MLANA: variants seen among roughly 807,000 people sequenced by gnomAD.
MLANA encodes the protein melan-A, also known as melanoma antigen recognized by T-cells 1.
MLANA carries 21 observed loss-of-function variants against 15.7 expected under a neutral mutation model. That is an observed-to-expected ratio of 1.33 (90% CI 0.95 to 1.92). MLANA has a LOEUF of 1.92. MLANA is among the 40% of genes most tolerant of loss of function. The pLI is 0.00. For missense variants in MLANA, 164 were observed against 143.8 expected (o/e 1.14, Z -0.72); for synonymous variants, 56 against 51.5 (o/e 1.09, Z -0.37).
intron 2 of MLANA, among the ~76,000 whole-genome samples, chr9:5,895,859 G>A (rs1341605177): frequency 1.3e-5 from 2 of 152,202 alleles, no homozygotes; most frequent in Non-Finnish European, 2.9e-5. Context: ...TCAGTTACTT[G>A]GGCATGTTGT....
intron 3 of MLANA, among the ~76,000 whole-genome samples, chr9:5,906,358 GAAAAA>G (rs1286393758): frequency 6.8e-6 from 1 of 148,112 alleles, no homozygotes; most frequent in Non-Finnish European, 1.5e-5. Context: ...GAAAAGAAAA[GAAAAA>G]AAAAGTTTTT....
intron 2 of MLANA, among the ~76,000 whole-genome samples, chr9:5,896,392 T>C (rs1037196427): frequency 2.6e-5 from 4 of 152,214 alleles, no homozygotes; most frequent in African/African-American, 7.2e-5. Context: ...CTGACCTACA[T>C]AAGTCAGAGT....
At chr9:5,897,463 A>G in intron 2 of MLANA, 94 bp from the exon 3 acceptor site, 1 of 1,199,992 alleles carries the variant, frequency 8.3e-7, no homozygotes, top group Non-Finnish European at 1.2e-6. Flanking sequence ...CTGGGTCGTC[A>G]AAGTCCATAT....
At chr9:5,898,169 G>A (rs1160489102) in intron 3 of MLANA, 1 of 153,176 alleles carries the variant, frequency 6.5e-6, no homozygotes, top group Non-Finnish European at 1.5e-5. Flanking sequence ...TCAGCCTCCA[G>A]AGTAGCTGGG....
At chr9:5,899,622 C>A (rs1220010446) in intron 3 of MLANA, among the ~76,000 whole-genome samples, 1 of 152,216 alleles carries the variant, frequency 6.6e-6, no homozygotes, top group Non-Finnish European at 1.5e-5. Context: ...CTGTCCACAA[C>A]AGGTTAGTAG....
intron 1 of MLANA, 66 bp from the exon 2 acceptor site, chr9:5,892,384 C>T (rs1831711203): frequency 8.4e-7 from 1 of 1,196,608 alleles, no homozygotes; most frequent in Non-Finnish European, 1.2e-6. Flanking sequence ...TGTTGTGGGT[C>T]TTTATGAGAT....
At chr9:5,908,106 T>C (rs1349794444) in intron 4 of MLANA, among the ~76,000 whole-genome samples, 1 of 152,208 alleles carries the variant, frequency 6.6e-6, no homozygotes, top group East Asian at 1.9e-4. Flanking sequence ...AACTTACTAG[T>C]TGTGTGACCA....
At chr9:5,906,804 A>G (rs756087007) in intron 3 of MLANA, 81 bp from the exon 4 acceptor site, 110 of 852,246 alleles carry the variant, frequency 1.3e-4, no homozygotes, top group Non-Finnish European at 5.9e-5. Context: ...CTCATTCTTA[A>G]AACTTTGGCT....
chr9:5,894,383 TC>T lies in MLANA; in HGVS notation c.77+1833del, dbSNP rs1250692030. 2.0e-5 allele frequency among the ~76,000 whole-genome samples: 3 copies of T among 152,038 alleles called. No individual in the cohort carries two copies. The highest frequency in any genetic ancestry group is 7.2e-5 in the African/African-American group (3 of 41,390). ...TGAGACTGAGGAGGCAAAGAAGGCATCGGGGCAACCAAGGCTGTACCCACAG... is the reference window on the plus strand; with the variant it reads ...TGAGACTGAGGAGGCAAAGAAGGCATGGGGCAACCAAGGCTGTACCCACAG... On this transcript the variant is annotated intron_variant, in intron 2 of 4. Coordinates refer to ENST00000381477, the MANE Select transcript of MLANA (RefSeq NM_005511.2). This position sits in a 1 kb window ranked among gnomAD's most constrained non-coding sequence, Gnocchi z 4.0.
chr9:5,899,080 CT>C (rs1832238429), intron 3 of MLANA: 1 of 152,174 alleles, frequency 6.6e-6, no homozygotes. Context: ...CCAGGTAGCA[CT>C]TCAGCACTTC....
Position 5,908,643 on chromosome 9 carries a change from C to T in MLANA, c.292C>T (p.Pro98Ser). ...TCTCCCTTTCTTGTTCTCACAGGTT[C>T]CCAATGCTCCACCTGCTTATGAGAA... ...LQEKNCEPVV[P>S]NAPPAYEKLS... Residue 98 changes from proline (P) to serine (S), a missense_variant, in exon 5 of 5, where the codon CCC (proline) becomes TCC (serine). Pro to Ser is a moderately conservative substitution (Grantham distance 74). Transcript: ENST00000381477. 2 of 1,613,908 alleles carry T rather than the reference C, an allele frequency of 1.2e-6. No individual in the cohort carries two copies. Among genetic ancestry groups the T allele is most frequent in the South Asian group, 1.1e-5 (1 of 91,072 alleles).
intron 3 of MLANA, among the ~76,000 whole-genome samples, chr9:5,901,131 T>TA (rs956850479): frequency 1.8e-3 from 271 of 148,132 alleles, no homozygotes; most frequent in Middle Eastern, 6.9e-3. Flanking sequence ...GTGAGAGGCT[T>TA]AAAAAAAAAA....
intron 2 of MLANA, 87 bp from the exon 3 acceptor site, chr9:5,897,470 A>G: frequency 1.6e-6 from 2 of 1,258,354 alleles, no homozygotes; most frequent in Non-Finnish European, 1.2e-6. Flanking sequence ...GTCAAAGTCC[A>G]TATGAAGAGG....
chr9:5,903,776 C>A (rs529383835), intron 3 of MLANA, among the ~76,000 whole-genome samples: 3 of 152,160 alleles, frequency 2.0e-5, no homozygotes, highest in Non-Finnish European at 4.4e-5. Flanking sequence ...TGATAACTTT[C>A]CTTGAAATCT....
chr9:5,908,026 T>C (rs187527696), intron 4 of MLANA, among the ~76,000 whole-genome samples: 6 of 152,178 alleles, frequency 3.9e-5, no homozygotes, highest in Non-Finnish European at 5.9e-5. Flanking sequence ...CTAGTACATA[T>C]ACAACACAGC....
chr9:5,893,828 C>A (rs1298333296), intron 2 of MLANA, among the ~76,000 whole-genome samples: 1 of 152,116 alleles, frequency 6.6e-6, no homozygotes, highest in African/African-American at 2.4e-5. Flanking sequence ...ATCTTGCCAA[C>A]AGAAAGCAGG....
In MLANA at chr9:5,910,275, A is replaced by G. The variant is rs953815294; in HGVS notation, c.*1567A>G. 1 of 152,250 alleles carries G rather than the reference A, an allele frequency of 6.6e-6. No homozygotes were observed. The highest frequency in any genetic ancestry group is 1.5e-5 in the Non-Finnish European group (1 of 68,040). The allele number at this position is 152,250 out of a possible 1,614,324, so 9.4% of individuals were successfully genotyped here. A position where few individuals can be genotyped will look rare whatever the true frequency, so the allele number is the denominator to read the frequency against. On this transcript the variant is annotated 3_prime_UTR_variant, in exon 5 of 5. Transcript: ENST00000381477. ...GTCTCATCAGAAACACTAGTGTAAC[A>G]TAACTGCATCATTTTCTACTAAAGA...
rs961754095 is a variant in MLANA at position 5,894,428 on chromosome 9, G to T, written c.77+1877G>T. ...CCCACAGAATGCTGCTTCTACCCCC[G>T]TGTCTGGGGTAACAAACGGAAGGGT... On this transcript the variant is annotated intron_variant, in intron 2 of 4. Coordinates refer to ENST00000381477, the MANE Select transcript of MLANA (RefSeq NM_005511.2). This position sits in a 1 kb window ranked among gnomAD's most constrained non-coding sequence, Gnocchi z 4.0. Among the ~76,000 whole-genome samples, 2 of 152,168 alleles carry T rather than the reference G, an allele frequency of 1.3e-5. No individual in the cohort carries two copies. The highest frequency in any genetic ancestry group is 1.3e-4 in the Admixed American group (2 of 15,272).
rs896736095 is a variant in MLANA at position 5,906,931 on chromosome 9, G to T, written c.221G>T (p.Cys74Phe). 1 of 1,596,180 alleles carries T rather than the reference G, an allele frequency of 6.3e-7. No individual in the cohort carries two copies. Among genetic ancestry groups the T allele is most frequent in the Non-Finnish European group, 8.5e-7 (1 of 1,173,120 alleles). The change falls in exon 4 of 5, where the codon TGC (cysteine) becomes TTC (phenylalanine). Residue 74 changes from cysteine (C) to phenylalanine (F), a missense_variant. Cys to Phe is a radical substitution (Grantham distance 205). Transcript: ENST00000381477. ...ACTCAATGTGCCTTAACAAGAAGAT[G>T]CCCACAAGAAGGGTTTGATCATCGG... ...VGTQCALTRR[C>F]PQEGFDHRDS...
Sources: allele counts gnomAD v4.1 joint callset (sites outside exome capture counted in the v4.1 genomes callset), GRCh38; gene constraint gnomAD v4.1.1; non-coding constraint Gnocchi (gnomAD v3.1); transcripts MANE v1.5; gene names NCBI Gene and HGNC (gene_info 2026-07-23, HGNC 2026-07-21).